The following EXT1 variants were observed in gnomAD, a reference collection of about 807,000 sequenced individuals.
EXT1 encodes exostosin glycosyltransferase 1, also known as exostosin-1.
A neutral mutation model predicts 82.5 loss-of-function variants in EXT1; 20 were observed. The observed-to-expected ratio is 0.24, with a 90% CI of 0.17 to 0.35. EXT1 has a LOEUF of 0.35. Ranked by LOEUF, EXT1 falls within the 10% of genes least tolerant of loss-of-function variation. The pLI is 1.00. For synonymous variants in EXT1, 348 were observed against 350.8 expected (o/e 0.99, Z 0.09); for missense variants, 757 against 936.5 (o/e 0.81, Z 2.50).
chr8:117,864,327 C>T (rs1271063041), intron 1 of EXT1, among the ~76,000 whole-genome samples: 1 of 152,186 alleles, frequency 6.6e-6, no homozygotes, highest in East Asian at 1.9e-4. Flanking sequence ...CTAAGTTTTG[C>T]TTGCCTTTTT....
At chr8:117,946,585 T>G (rs1013360763) in intron 1 of EXT1, among the ~76,000 whole-genome samples, 1 of 151,894 alleles carries the variant, frequency 6.6e-6, no homozygotes, top group African/African-American at 2.4e-5. Flanking sequence ...GCACGTAGCT[T>G]GGGCGAGCAT....
intron 3 of EXT1, among the ~76,000 whole-genome samples, chr8:117,830,770 T>C (rs1355728818): frequency 6.6e-6 from 1 of 152,214 alleles, no homozygotes; most frequent in African/African-American, 2.4e-5. Context: ...CCAGGAACTA[T>C]AAAATATCTA....
chr8:117,961,117 TTTCCCTCC>T (rs56326334), intron 1 of EXT1, among the ~76,000 whole-genome samples: 20 of 149,732 alleles, frequency 1.3e-4, no homozygotes, highest in African/African-American at 3.0e-4. Context: ...AAAGCATTTC[TTTCCCTCC>T]TTCCCTCCTT....
intron 1 of EXT1, among the ~76,000 whole-genome samples, chr8:118,053,591 C>T (rs1816751545): frequency 1.3e-5 from 2 of 152,060 alleles, no homozygotes; most frequent in African/African-American, 2.4e-5. Context: ...CAGGAAGATC[C>T]CCTTTTCTTC....
intron 1 of EXT1, 84 bp from the exon 2 acceptor site, chr8:117,837,285 T>C (rs2129791881): frequency 1.8e-6 from 2 of 1,138,368 alleles, no homozygotes; most frequent in Non-Finnish European, 2.7e-6. Context: ...CCCATGTGCA[T>C]GAATTTACGC....
chr8:117,876,783 T>C (rs1812979312), intron 1 of EXT1, among the ~76,000 whole-genome samples: 1 of 152,186 alleles, frequency 6.6e-6, no homozygotes, highest in African/African-American at 2.4e-5. Context: ...TGGAGATTCA[T>C]TTGTTTACCA....
intron 1 of EXT1, among the ~76,000 whole-genome samples, chr8:117,846,617 CAGAT>C (rs1812366562): frequency 6.6e-6 from 1 of 152,122 alleles, no homozygotes; most frequent in South Asian, 2.1e-4. Context: ...ACAGTGAACT[CAGAT>C]GGATAAATGG....
intron 1 of EXT1, among the ~76,000 whole-genome samples, chr8:117,984,451 A>AAC (rs1554591240): frequency 1.4e-5 from 2 of 147,450 alleles, no homozygotes; most frequent in Non-Finnish European, 3.0e-5. Flanking sequence ...AAACAAAACA[A>AAC]AAAAAAAAAA....
chr8:118,002,528 CTTTTTTTTTT>C (rs60354141), intron 1 of EXT1, among the ~76,000 whole-genome samples: 1 of 87,096 alleles, frequency 1.1e-5, no homozygotes, highest in Admixed American at 1.5e-4. Context: ...GAATATTTTT[CTTTTTTTTTT>C]TTTTTTTTTT....
intron 1 of EXT1, among the ~76,000 whole-genome samples, chr8:117,852,815 G>C (rs914856738): frequency 2.6e-5 from 4 of 152,144 alleles, no homozygotes; most frequent in African/African-American, 9.7e-5. Flanking sequence ...ATACAATGGT[G>C]GGCAAAATAA....
rs1239063941 is a variant in EXT1 at position 118,007,699 on chromosome 8, T to C, written c.962+102386A>G. Reference sequence around the variant, plus strand: ...TCAAGCCCAGGTAACTACAAGACTGTAGTTTCATTCGCATCACCAGATGAG... The same window carrying C: ...TCAAGCCCAGGTAACTACAAGACTGCAGTTTCATTCGCATCACCAGATGAG... On this transcript the variant is annotated intron_variant, in intron 1 of 10. Transcript: ENST00000378204. 2.6e-5 allele frequency among the ~76,000 whole-genome samples: 4 copies of C among 152,320 alleles called. No homozygotes were observed. In the East Asian group the frequency reaches 5.8e-4, roughly 22 times the overall value.
At chr8:117,895,719 C>G (rs759984317) in intron 1 of EXT1, among the ~76,000 whole-genome samples, 1 of 152,194 alleles carries the variant, frequency 6.6e-6, no homozygotes, top group Non-Finnish European at 1.5e-5. Context: ...TGTTCTGATT[C>G]TCCCATGTCT....
At chr8:118,089,813 A>C (rs1377312566) in intron 1 of EXT1, among the ~76,000 whole-genome samples, 3 of 152,206 alleles carry the variant, frequency 2.0e-5, no homozygotes, top group Non-Finnish European at 2.9e-5. Context: ...GGAGAGCCAG[A>C]GGACAGGAAG....
At chr8:117,809,167 G>A (rs1021602965) in intron 8 of EXT1, among the ~76,000 whole-genome samples, 3 of 146,806 alleles carry the variant, frequency 2.0e-5, no homozygotes, top group African/African-American at 7.5e-5. Context: ...ATGTATGTAT[G>A]TATGTATGTA....
chr8:118,107,458 G>A (rs1817820667), intron 1 of EXT1, among the ~76,000 whole-genome samples: 1 of 152,130 alleles, frequency 6.6e-6, no homozygotes, highest in Non-Finnish European at 1.5e-5. Context: ...GAGTCAGTAT[G>A]AGAAGTCAAA....
At chr8:118,037,183 ATAATC>A (rs1816435393) in intron 1 of EXT1, among the ~76,000 whole-genome samples, 2 of 152,136 alleles carry the variant, frequency 1.3e-5, no homozygotes, top group Admixed American at 1.3e-4. Flanking sequence ...GTTTTCCAGA[ATAATC>A]TAAGTAAAAT....
At chr8:117,907,428 CT>C (rs1166075290) in intron 1 of EXT1, among the ~76,000 whole-genome samples, 1 of 152,168 alleles carries the variant, frequency 6.6e-6, no homozygotes, top group Admixed American at 6.5e-5. Context: ...GATGGTTCCC[CT>C]TACTAATAGG....
At chr8:117,950,581 T>C (rs192888359) in intron 1 of EXT1, among the ~76,000 whole-genome samples, 4 of 152,284 alleles carry the variant, frequency 2.6e-5, no homozygotes, top group East Asian at 3.9e-4. Flanking sequence ...GAGGCCACAA[T>C]AGGAGAAAAG....
intron 1 of EXT1, among the ~76,000 whole-genome samples, chr8:118,072,097 G>T (rs1183563096): frequency 6.6e-6 from 1 of 152,152 alleles, no homozygotes; most frequent in Non-Finnish European, 1.5e-5. Context: ...CTTTGGGCAG[G>T]TATTAGACTC....
Sources: allele counts gnomAD v4.1 joint callset (sites outside exome capture counted in the v4.1 genomes callset), GRCh38; gene constraint gnomAD v4.1.1; transcripts MANE v1.5; gene names NCBI Gene and HGNC (gene_info 2026-07-23, HGNC 2026-07-21).